The following LUZP1 variants were observed in gnomAD, a reference collection of about 807,000 sequenced individuals.
The protein encoded by LUZP1 is leucine zipper protein 1, also known as filamin mechanobinding actin cross-linking protein.
LUZP1 carries 25 observed loss-of-function variants against 71.3 expected under a neutral mutation model. The observed-to-expected ratio is 0.35, with a 90% CI of 0.26 to 0.49. The LOEUF (loss-of-function observed/expected upper bound fraction) is 0.49, where lower values mean the gene tolerates loss of function less well. LUZP1 is among the 20% of genes least tolerant of loss of function. LUZP1 has a pLI of 0.99. For missense variants in LUZP1, 1,142 were observed against 1,300.8 expected, an observed-to-expected ratio of 0.88 and a Z score of 1.88; for synonymous variants, 481 against 506.4, an observed-to-expected ratio of 0.95 and a Z score of 0.67.
At chr1:23,086,318 G>A (rs1386664145) in exon 5 of LUZP1, 3 of 152,680 alleles carry the variant, frequency 2.0e-5, no homozygotes, top group African/African-American at 2.4e-5. Flanking sequence ...TCTAGAAAGT[G>A]TGCAGATTAA....
At chr1:23,159,688 A>AT (rs1396660876) in intron 2 of LUZP1, among the ~76,000 whole-genome samples, 1 of 152,244 alleles carries the variant, frequency 6.6e-6, no homozygotes, top group Non-Finnish European at 1.5e-5. Context: ...CCAATGGCTA[A>AT]TAATATCAGT....
At chr1:23,114,793 G>A (rs1569595055) in intron 2 of LUZP1, among the ~76,000 whole-genome samples, 1 of 152,254 alleles carries the variant, frequency 6.6e-6, no homozygotes, top group East Asian at 1.9e-4. Context: ...TGAGAAACCC[G>A]GGTGGCGGCC....
chr1:23,105,970 T>A (rs1281809074), intron 3 of LUZP1, among the ~76,000 whole-genome samples: 1 of 152,156 alleles, frequency 6.6e-6, no homozygotes, highest in Admixed American at 6.5e-5. Flanking sequence ...GACCTAGGAA[T>A]CTTTCCAAAA....
chr1:23,175,434 C>T (rs552322930), intron 1 of LUZP1, among the ~76,000 whole-genome samples: 2 of 152,320 alleles, frequency 1.3e-5, no homozygotes, highest in African/African-American at 4.8e-5. Flanking sequence ...AGGTCTCACT[C>T]GTCTTTGGAC....
At chr1:23,142,736 C>T (rs1336042684) in intron 2 of LUZP1, among the ~76,000 whole-genome samples, 2 of 117,210 alleles carry the variant, frequency 1.7e-5, no homozygotes, top group African/African-American at 3.4e-5. Context: ...CACACACACA[C>T]ACACACACAC....
intron 2 of LUZP1, among the ~76,000 whole-genome samples, chr1:23,110,993 A>C (rs536088252): frequency 1.3e-5 from 2 of 152,016 alleles, no homozygotes; most frequent in African/African-American, 4.8e-5. Context: ...TGAGGTCAGG[A>C]GTTCAAGACA....
At chr1:23,142,944 G>A (rs1189982061) in intron 2 of LUZP1, among the ~76,000 whole-genome samples, 2 of 151,568 alleles carry the variant, frequency 1.3e-5, no homozygotes, top group Non-Finnish European at 2.9e-5. Context: ...GGCAGCAGGA[G>A]GATCGCTTGA....
intron 2 of LUZP1, among the ~76,000 whole-genome samples, chr1:23,139,013 AAAAAAAAT>A (rs1403361408): frequency 1.0e-5 from 1 of 96,780 alleles, no homozygotes; most frequent in Admixed American, 1.3e-4. Flanking sequence ...AAAAAAAAAA[AAAAAAAAT>A]ATATATATAT....
intron 3 of LUZP1, among the ~76,000 whole-genome samples, chr1:23,100,716 A>G (rs2124617332): frequency 6.6e-6 from 1 of 152,332 alleles, no homozygotes; most frequent in African/African-American, 2.4e-5. Context: ...AACAGGGGAG[A>G]TATTTTGAGC....
intron 3 of LUZP1, among the ~76,000 whole-genome samples, chr1:23,108,301 AAAC>A (rs1333388154): frequency 2.6e-5 from 4 of 152,252 alleles, no homozygotes; most frequent in African/African-American, 9.6e-5. Context: ...CTTAAAAGGG[AAAC>A]ATTATAGTGT....
rs540905691 is a variant in LUZP1, at chr1:23,159,418, C to T, written c.-226+9348G>A. Among the ~76,000 whole-genome samples the T allele has an allele frequency of 5.3e-5, 8 of 152,286 alleles. No individual in the cohort carries two copies. The East Asian group carries it at 7.7e-4, about 15-fold the overall frequency. On this transcript the variant is annotated intron_variant, in intron 2 of 4. Coordinates refer to ENST00000302291, the Ensembl canonical transcript of LUZP1. ...GAATTAATTCATGCCAAAGATGTCA[C>T]TAACTGGCATTCTTTTAAAAAACCT...
chr1:23,172,033 T>C (rs1232130245), intron 1 of LUZP1, among the ~76,000 whole-genome samples: 1 of 152,204 alleles, frequency 6.6e-6, no homozygotes, highest in African/African-American at 2.4e-5. Flanking sequence ...CAGTTTCTCA[T>C]CTGCAAAATG....
intron 1 of LUZP1, among the ~76,000 whole-genome samples, chr1:23,169,753 T>C (rs986624083): frequency 3.3e-5 from 5 of 152,106 alleles, no homozygotes; most frequent in African/African-American, 1.2e-4. Flanking sequence ...ACACCCAGCA[T>C]AGTACAGGAC....
rs201610418 is a variant in LUZP1 at position 23,092,072 on chromosome 1, G to A, written c.2190C>T (p.Leu730=). 5.6e-6 allele frequency: 9 copies of A among 1,613,976 alleles called. No homozygotes were observed. The African/African-American group carries it at 6.7e-5, about 12-fold the overall frequency. Reference sequence around the variant, plus strand: ...TTACCCCAGCACCATTGGTATCTGGGAGCTCCATGGTATTGGTGGAGGCTC... The same window carrying A: ...TTACCCCAGCACCATTGGTATCTGGAAGCTCCATGGTATTGGTGGAGGCTC... Residue 730 remains leucine (L), a synonymous_variant, in exon 4 of 5, where the codon CTC becomes CTT. Coordinates refer to ENST00000302291, the Ensembl canonical transcript of LUZP1.
chr1:23,155,147 TA>T (rs1215530461), intron 2 of LUZP1, among the ~76,000 whole-genome samples: 1 of 152,204 alleles, frequency 6.6e-6, no homozygotes, highest in Non-Finnish European at 1.5e-5. Flanking sequence ...GATTTAAATC[TA>T]CCAGGGACCA....
At chr1:23,146,984 C>G (rs528452221) in intron 2 of LUZP1, among the ~76,000 whole-genome samples, 9 of 151,846 alleles carry the variant, frequency 5.9e-5, no homozygotes, top group African/African-American at 1.9e-4. Flanking sequence ...GTAGTCCCAA[C>G]TACTCGGGAG....
chr1:23,129,277 C>A (rs966317386), intron 2 of LUZP1, among the ~76,000 whole-genome samples: 5 of 152,064 alleles, frequency 3.3e-5, no homozygotes, highest in East Asian at 1.9e-4. Context: ...TTATCAAAAC[C>A]CAGATTATAA....
At chr1:23,122,443 C>G (rs1644137923) in intron 2 of LUZP1, among the ~76,000 whole-genome samples, 1 of 152,216 alleles carries the variant, frequency 6.6e-6, no homozygotes, top group African/African-American at 2.4e-5. Flanking sequence ...TCTCTCTGCT[C>G]AGACCAGCAG....
At chr1:23,119,771 T>C (rs964220271) in intron 2 of LUZP1, among the ~76,000 whole-genome samples, 1 of 152,196 alleles carries the variant, frequency 6.6e-6, no homozygotes, top group African/African-American at 2.4e-5. Flanking sequence ...GCCAAACTAC[T>C]GAAAATTATA....
Sources: gnomAD v4.1 joint callset for allele counts (sites outside exome capture counted in the v4.1 genomes callset) on GRCh38, gnomAD v4.1.1 for gene constraint, MANE v1.5 for transcripts, NCBI Gene and HGNC (gene_info 2026-07-23, HGNC 2026-07-21) for gene names.